The following GPC5 variants were observed in gnomAD, a reference collection of about 807,000 sequenced individuals.
GPC5 encodes the protein glypican-5.
In GPC5, 47 loss-of-function variants were observed where a neutral mutation model predicts 53.9. The observed-to-expected ratio is 0.87, with a 90% CI of 0.69 to 1.11. The LOEUF (loss-of-function observed/expected upper bound fraction) is 1.11, where lower values mean the gene tolerates loss of function less well. Among genes scored for constraint, GPC5 ranks in the 50% most tolerant of loss-of-function variants. The pLI, the probability that GPC5 is intolerant of heterozygous loss-of-function variation, is 0.00. For synonymous variants in GPC5, 286 were observed against 263.3 expected (o/e 1.09, Z -0.84); for missense variants, 748 against 713.1 (o/e 1.05, Z -0.56).
At chr13:92,000,750 G>A (rs918524145) in intron 6 of GPC5, among the ~76,000 whole-genome samples, 1 of 152,134 alleles carries the variant, frequency 6.6e-6, no homozygotes, top group African/African-American at 2.4e-5. Context: ...ATAATAAGCT[G>A]TGGGATTTCT....
chr13:92,750,321 G>A (rs1211588845), intron 7 of GPC5, among the ~76,000 whole-genome samples: 1 of 151,892 alleles, frequency 6.6e-6, no homozygotes, highest in African/African-American at 2.4e-5. Context: ...TTTTTGTCTT[G>A]TCTCTCTTGA....
At chr13:92,161,126 A>G (rs527831496) in intron 7 of GPC5, among the ~76,000 whole-genome samples, 1 of 151,774 alleles carries the variant, frequency 6.6e-6, no homozygotes, top group East Asian at 1.9e-4. Context: ...TTATCTGTCT[A>G]TATGCCACAG....
rs2041450357 is a variant in GPC5, at chr13:92,099,667, C to CAG, written c.1402-45163_1402-45162insAG. ...GATGCATAGATGAATATAGTATCAA[C>CAG]TGTTTACTGAATTAAACTGAATTAA... On this transcript the variant is annotated intron_variant, in intron 6 of 7. Transcript: ENST00000377067. Among the ~76,000 whole-genome samples, 3 of 152,290 alleles carry CAG rather than the reference C, an allele frequency of 2.0e-5. No homozygotes were observed. In the East Asian group the frequency reaches 5.8e-4, roughly 29 times the overall value.
chr13:92,608,108 T>C (rs1359565851), intron 7 of GPC5, among the ~76,000 whole-genome samples: 1 of 152,246 alleles, frequency 6.6e-6, no homozygotes, highest in Non-Finnish European at 1.5e-5. Flanking sequence ...AAATATGTGT[T>C]CATCGACCAT....
At chr13:92,489,217 TC>T (rs1177426564) in intron 7 of GPC5, among the ~76,000 whole-genome samples, 2 of 152,274 alleles carry the variant, frequency 1.3e-5, no homozygotes, top group Non-Finnish European at 2.9e-5. Context: ...GAAAAATCCT[TC>T]ATTTTCATGT....
chr13:91,826,207 G>A (rs1334191229), intron 5 of GPC5, among the ~76,000 whole-genome samples: 1 of 151,324 alleles, frequency 6.6e-6, no homozygotes, highest in Non-Finnish European at 1.5e-5. Flanking sequence ...TCTACATGTT[G>A]CATTTAGCAG....
intron 6 of GPC5, among the ~76,000 whole-genome samples, chr13:91,916,339 G>T (rs1407222416): frequency 6.6e-6 from 1 of 152,124 alleles, no homozygotes; most frequent in Non-Finnish European, 1.5e-5. Context: ...ACTTGTACAT[G>T]ATTGTTCATA....
chr13:92,668,033 C>A (rs530183710), intron 7 of GPC5, among the ~76,000 whole-genome samples: 9 of 152,248 alleles, frequency 5.9e-5, no homozygotes, highest in East Asian at 5.8e-4. Context: ...TTAAAAATAT[C>A]TTTTCTTTAA....
intron 7 of GPC5, among the ~76,000 whole-genome samples, chr13:92,307,308 G>T (rs987598646): frequency 3.9e-5 from 6 of 152,156 alleles, no homozygotes; most frequent in African/African-American, 1.4e-4. Context: ...ATAAAAATTA[G>T]CTGGGCATGG....
intron 7 of GPC5, among the ~76,000 whole-genome samples, chr13:92,579,636 G>T (rs2139051818): frequency 6.6e-6 from 1 of 152,050 alleles, no homozygotes; most frequent in Middle Eastern, 3.4e-3. Context: ...TTATCTAATG[G>T]CTCAGCCTTT....
rs758396600 is a variant in GPC5, at chr13:91,693,417, A to G, written c.556A>G (p.Ser186Gly). The stretch of plus-strand genomic sequence containing the variant: ...CCTCATTAACCCTGGTGTGACTGAC[A>G]GTTCCCTGGAATACTCAGAATGCAT... ...NHLINPGVTD[S>G]SLEYSECIRM... is the part of the protein sequence containing the mutation. Residue 186 changes from serine (S) to glycine (G), a missense_variant, in exon 3 of 8, where the codon AGT becomes GGT. Transcript: ENST00000377067. 2 of 1,614,032 alleles carry G rather than the reference A, an allele frequency of 1.2e-6. No individual in the cohort carries two copies.
intron 2 of GPC5, among the ~76,000 whole-genome samples, chr13:91,556,238 G>T (rs2030940773): frequency 6.6e-6 from 1 of 151,870 alleles, no homozygotes; most frequent in Non-Finnish European, 1.5e-5. Context: ...TCATCTAAGT[G>T]ATCATATATA....
intron 7 of GPC5, among the ~76,000 whole-genome samples, chr13:92,363,438 G>C (rs924480579): frequency 6.6e-6 from 1 of 151,598 alleles, no homozygotes; most frequent in Non-Finnish European, 1.5e-5. Flanking sequence ...ACCTCAGATC[G>C]TCAGGCATTA....
chr13:92,124,017 T>C (rs1017792944), intron 6 of GPC5, among the ~76,000 whole-genome samples: 1 of 151,982 alleles, frequency 6.6e-6, no homozygotes, highest in Non-Finnish European at 1.5e-5. Flanking sequence ...GCTTTGTTTC[T>C]CTTTTCTAGT....
At chr13:92,430,738 C>T (rs538644794) in intron 7 of GPC5, among the ~76,000 whole-genome samples, 3 of 152,110 alleles carry the variant, frequency 2.0e-5, no homozygotes, top group East Asian at 1.9e-4. Flanking sequence ...ATTGGTGTAG[C>T]AAACTTTCTG....
At chr13:92,122,266 AAC>A (rs1173451190) in intron 6 of GPC5, among the ~76,000 whole-genome samples, 12 of 143,928 alleles carry the variant, frequency 8.3e-5, no homozygotes, top group Non-Finnish European at 1.7e-4. Flanking sequence ...TGGGTTTTAA[AAC>A]ACAGCGCTTT....
chr13:91,607,443 A>G (rs1223304722), intron 2 of GPC5, among the ~76,000 whole-genome samples: 2 of 152,176 alleles, frequency 1.3e-5, no homozygotes, highest in East Asian at 1.9e-4. Context: ...TTTCCTATCA[A>G]AAGGGAACAT....
intron 7 of GPC5, among the ~76,000 whole-genome samples, chr13:92,861,307 A>G (rs1055157393): frequency 5.9e-5 from 9 of 152,140 alleles, no homozygotes; most frequent in Admixed American, 1.3e-4. Flanking sequence ...ATAAAAGTGG[A>G]ATTATTTGGT....
At chr13:92,117,112 C>T (rs1463748741) in intron 6 of GPC5, among the ~76,000 whole-genome samples, 1 of 152,104 alleles carries the variant, frequency 6.6e-6, no homozygotes, top group Non-Finnish European at 1.5e-5. Context: ...CCTAAGGTCA[C>T]AAACTTTCTT....
Sources: allele counts gnomAD v4.1 joint callset (sites outside exome capture counted in the v4.1 genomes callset), GRCh38; gene constraint gnomAD v4.1.1; transcripts MANE v1.5; gene names NCBI Gene and HGNC (gene_info 2026-07-23, HGNC 2026-07-21).